CCDC171: variants seen among roughly 807,000 people sequenced by gnomAD.
The protein encoded by CCDC171 is coiled-coil domain-containing protein 171.
Under a neutral mutation model 168.2 loss-of-function variants are expected in CCDC171, and 177 were observed. That is an observed-to-expected ratio of 1.05 (90% CI 0.93 to 1.19). The LOEUF is 1.19. Among genes scored for constraint, CCDC171 ranks in the 50% most tolerant of loss-of-function variants. The pLI is 0.00. For synonymous variants in CCDC171, 687 were observed against 540.8 expected (o/e 1.27, Z -3.75); for missense variants, 1,991 against 1,539.0 (o/e 1.29, Z -4.91).
At chr9:15,574,476 A>G (rs969658204) in intron 3 of CCDC171, among the ~76,000 whole-genome samples, 2 of 151,828 alleles carry the variant, frequency 1.3e-5, no homozygotes, top group Non-Finnish European at 2.9e-5. Flanking sequence ...ACGGAGTTTT[A>G]CCATGTTGGC....
chr9:15,646,700 A>G (rs1564129053), intron 7 of CCDC171, among the ~76,000 whole-genome samples: 1 of 152,208 alleles, frequency 6.6e-6, no homozygotes, highest in Non-Finnish European at 1.5e-5. Context: ...AGAAGAGCTA[A>G]CTATCCTAAA....
At chr9:15,944,462 T>C (rs947383210) in intron 25 of CCDC171, among the ~76,000 whole-genome samples, 4 of 152,050 alleles carry the variant, frequency 2.6e-5, no homozygotes, top group Admixed American at 1.3e-4. Flanking sequence ...TCTAATACTT[T>C]CCATGTGTGA....
At chr9:15,565,541 T>C (rs939137384) in intron 2 of CCDC171, among the ~76,000 whole-genome samples, 1 of 152,226 alleles carries the variant, frequency 6.6e-6, no homozygotes, top group Non-Finnish European at 1.5e-5. Context: ...GATACAGTTA[T>C]TTAAAATCTG....
intron 21 of CCDC171, among the ~76,000 whole-genome samples, chr9:15,828,801 G>T (rs1390529683): frequency 2.0e-5 from 3 of 152,200 alleles, no homozygotes; most frequent in East Asian, 1.9e-4. Context: ...GAATGAAAAC[G>T]ATTTTCTCTG....
chr9:15,668,599 C>T (rs979263495), intron 9 of CCDC171, among the ~76,000 whole-genome samples: 2 of 151,970 alleles, frequency 1.3e-5, no homozygotes, highest in Non-Finnish European at 2.9e-5. Flanking sequence ...TAACTAAACC[C>T]AATAATCACT....
At chr9:15,623,444 T>C (rs770535218) in intron 7 of CCDC171, 31 bp downstream of exon 7, 3 of 1,417,188 alleles carry the variant, frequency 2.1e-6, no homozygotes, top group Non-Finnish European at 1.9e-6. Context: ...ATAATATATA[T>C]GCGTACAAAC....
At chr9:16,069,009 A>C in the CCDC171 span, among the ~76,000 whole-genome samples, 4 of 152,142 alleles carry the variant, frequency 2.6e-5, no homozygotes, top group African/African-American at 9.7e-5. Flanking sequence ...CCCATTTTAG[A>C]GGAGGGAGGA....
chr9:15,619,066 A>G (rs1587458593), intron 6 of CCDC171, among the ~76,000 whole-genome samples: 1 of 151,982 alleles, frequency 6.6e-6, no homozygotes. Flanking sequence ...ATTTATAAAT[A>G]TATGTGTTCT....
chr9:15,808,251 A>G (rs1341738), intron 21 of CCDC171, among the ~76,000 whole-genome samples: 68,845 of 152,004 alleles, frequency 0.45, 15,719 homozygotes, highest in South Asian at 0.52. Flanking sequence ...CAGTAGAAAT[A>G]TAACTGGAAT....
At chr9:15,910,791 G>A (rs903673844) in intron 24 of CCDC171, among the ~76,000 whole-genome samples, 3 of 152,026 alleles carry the variant, frequency 2.0e-5, no homozygotes, top group Non-Finnish European at 2.9e-5. Context: ...GTGAGAAAGT[G>A]GGGTGTTTGG....
At chr9:15,977,591 G>A (rs1273980860), downstream of CCDC171, among the ~76,000 whole-genome samples, 1 of 152,154 alleles carries the variant, frequency 6.6e-6, no homozygotes, top group Non-Finnish European at 1.5e-5. Context: ...TCTGAAGACA[G>A]TTTTTTTGTG....
chr9:16,017,049 A>G (rs1355622258), intron 3 of CCDC171, among the ~76,000 whole-genome samples: 1 of 152,164 alleles, frequency 6.6e-6, no homozygotes, highest in Non-Finnish European at 1.5e-5. Context: ...GGGGCAGGGA[A>G]TGATGAACTT....
At chr9:15,581,580 G>C (rs2041121921) in intron 4 of CCDC171, among the ~76,000 whole-genome samples, 1 of 152,122 alleles carries the variant, frequency 6.6e-6, no homozygotes, top group South Asian at 2.1e-4. Context: ...TACCAAAACA[G>C]ATATATAGAC....
intron 24 of CCDC171, among the ~76,000 whole-genome samples, chr9:15,912,624 A>T (rs1456947440): frequency 6.6e-6 from 1 of 152,180 alleles, no homozygotes; most frequent in Non-Finnish European, 1.5e-5. Flanking sequence ...CTAGTTTTCA[A>T]AGGGAATGCT....
chr9:15,803,791 T>C (rs2058942359), intron 21 of CCDC171, among the ~76,000 whole-genome samples: 1 of 152,186 alleles, frequency 6.6e-6, no homozygotes, highest in South Asian at 2.1e-4. Context: ...ATTTTTTTCT[T>C]TTTCTGTGAA....
At chr9:16,015,096 C>T (rs1832975019) in intron 3 of CCDC171, among the ~76,000 whole-genome samples, 1 of 152,010 alleles carries the variant, frequency 6.6e-6, no homozygotes, top group South Asian at 2.1e-4. Context: ...TGCACATGTA[C>T]CCTAAAACTT....
intron 18 of CCDC171, among the ~76,000 whole-genome samples, chr9:15,760,404 T>C (rs2056380082): frequency 6.6e-6 from 1 of 152,168 alleles, no homozygotes; most frequent in Admixed American, 6.5e-5. Context: ...CTGTAAAACG[T>C]GTTGGATATA....
chr9:16,078,055 AACAC>A, the CCDC171 span, among the ~76,000 whole-genome samples: 5,547 of 143,750 alleles, frequency 0.039, 108 homozygotes, highest in Non-Finnish European at 0.041. Flanking sequence ...CACCCATGCA[AACAC>A]ACACACACAC....
chr9:16,095,028 T>G, the CCDC171 span, among the ~76,000 whole-genome samples: 1 of 152,202 alleles, frequency 6.6e-6, no homozygotes, highest in Non-Finnish European at 1.5e-5. Flanking sequence ...ACGTGTATGC[T>G]TCCCTTCTCT....
Sources: allele counts gnomAD v4.1 joint callset (sites outside exome capture counted in the v4.1 genomes callset), GRCh38; gene constraint gnomAD v4.1.1; transcripts MANE v1.5; gene names NCBI Gene and HGNC (gene_info 2026-07-23, HGNC 2026-07-21).